Variants in PHLPP1 observed in about 807,000 individuals in gnomAD.
The protein encoded by PHLPP1 is PH domain leucine-rich repeat-containing protein phosphatase 1.
In PHLPP1, 42 loss-of-function variants were observed where a neutral mutation model predicts 117.2. That is an observed-to-expected ratio of 0.36 (90% CI 0.28 to 0.46). The LOEUF (loss-of-function observed/expected upper bound fraction) is 0.46, where lower values mean the gene tolerates loss of function less well. PHLPP1 is among the 20% of genes least tolerant of loss of function. The pLI is 1.00. For synonymous variants in PHLPP1, 1,042 were observed against 970.7 expected, an observed-to-expected ratio of 1.07 and a Z score of -1.37; for missense variants, 2,084 against 2,241.9, an observed-to-expected ratio of 0.93 and a Z score of 1.42.
intron 1 of PHLPP1, among the ~76,000 whole-genome samples, chr18:62,777,809 G>A (rs187674117): frequency 3.8e-4 from 58 of 152,234 alleles, no homozygotes; most frequent in Admixed American, 3.2e-3. Flanking sequence ...TAAAGTGCTC[G>A]TTGTTTTTGT....
At chr18:62,794,326 C>T (rs549172787) in intron 1 of PHLPP1, among the ~76,000 whole-genome samples, 2 of 150,526 alleles carry the variant, frequency 1.3e-5, no homozygotes, top group South Asian at 4.2e-4. Context: ...ATGGGAATGA[C>T]TTTTCATTCC....
chr18:62,811,264 G>C (rs1377379523), intron 1 of PHLPP1, among the ~76,000 whole-genome samples: 1 of 152,114 alleles, frequency 6.6e-6, no homozygotes, highest in East Asian at 1.9e-4. Context: ...ATTTGACCTA[G>C]CAGTTTATAG....
At chr18:62,885,604 G>A (rs1462179475) in intron 4 of PHLPP1, among the ~76,000 whole-genome samples, 1 of 152,176 alleles carries the variant, frequency 6.6e-6, no homozygotes, top group African/African-American at 2.4e-5. Context: ...AGGTTGCTGT[G>A]AGCTGAGATA....
chr18:62,723,082 A>G (rs1438125029), intron 1 of PHLPP1, among the ~76,000 whole-genome samples: 1 of 152,168 alleles, frequency 6.6e-6, no homozygotes, highest in Non-Finnish European at 1.5e-5. Context: ...TATTTTTTAC[A>G]TTTGAGATTT....
chr18:62,718,869 G>A (rs915434080), intron 1 of PHLPP1, among the ~76,000 whole-genome samples: 1 of 152,172 alleles, frequency 6.6e-6, no homozygotes, highest in Non-Finnish European at 1.5e-5. Context: ...TGTGATAAGT[G>A]TCCACGGAAA....
rs1451732549 is a variant in PHLPP1, at chr18:62,977,296, C to A, written c.3985-966C>A. 2.0e-5 allele frequency among the ~76,000 whole-genome samples: 3 copies of A among 152,004 alleles called. No individual in the cohort carries two copies. The South Asian group carries it at 6.2e-4, about 32-fold the overall frequency. ...ATATTCTGTGGAAGAAACACTTTGT[C>A]ATCCCAGACAGGGATTTGTCATAAT... On this transcript the variant is annotated intron_variant, in intron 16 of 16. Coordinates refer to ENST00000262719, the MANE Select transcript of PHLPP1 (RefSeq NM_194449.4).
chr18:62,829,759 A>G (rs1914707148), intron 1 of PHLPP1, among the ~76,000 whole-genome samples: 1 of 152,202 alleles, frequency 6.6e-6, no homozygotes, highest in Non-Finnish European at 1.5e-5. Flanking sequence ...CTCAAAAAAA[A>G]AGAAAAGAAA....
intron 10 of PHLPP1, among the ~76,000 whole-genome samples, chr18:62,921,108 C>T (rs1368865460): frequency 3.9e-5 from 6 of 152,112 alleles, no homozygotes; most frequent in Non-Finnish European, 7.4e-5. Flanking sequence ...TGGCTGTTAA[C>T]TTACTTTGGA....
chr18:62,955,397 A>C (rs537829716), intron 12 of PHLPP1, among the ~76,000 whole-genome samples: 25 of 152,228 alleles, frequency 1.6e-4, no homozygotes, highest in Non-Finnish European at 3.2e-4. Flanking sequence ...CTGAGAAACC[A>C]TCCTGACAGC....
At chr18:62,906,264 TG>T (rs1916844747) in intron 8 of PHLPP1, 1 of 152,346 alleles carries the variant, frequency 6.6e-6, no homozygotes, top group African/African-American at 2.4e-5. Flanking sequence ...ACTTAGCTAT[TG>T]GGAAAATATT....
At chr18:62,765,213 C>G (rs192460662) in intron 1 of PHLPP1, among the ~76,000 whole-genome samples, 1 of 152,064 alleles carries the variant, frequency 6.6e-6, no homozygotes, top group African/African-American at 2.4e-5. Context: ...TTGGACCTAC[C>G]CCATCTTATG....
chr18:62,739,847 A>G (rs1474913780), intron 1 of PHLPP1, among the ~76,000 whole-genome samples: 1 of 152,198 alleles, frequency 6.6e-6, no homozygotes, highest in African/African-American at 2.4e-5. Flanking sequence ...GAAGAGTCAC[A>G]TCTCAATATT....
intron 1 of PHLPP1, among the ~76,000 whole-genome samples, chr18:62,724,766 T>A (rs999900067): frequency 6.6e-6 from 1 of 152,238 alleles, no homozygotes; most frequent in Non-Finnish European, 1.5e-5. Flanking sequence ...TTTGAGGGGT[T>A]GCATATCACT....
intron 4 of PHLPP1, among the ~76,000 whole-genome samples, chr18:62,875,811 C>CA (rs564463873): frequency 6.6e-6 from 1 of 152,018 alleles, no homozygotes; most frequent in Non-Finnish European, 1.5e-5. Flanking sequence ...CAGCTCACTG[C>CA]AACCTGTGCC....
At chr18:62,968,529 CTTTTTT>C (rs34849907) in intron 14 of PHLPP1, among the ~76,000 whole-genome samples, 36 of 51,766 alleles carry the variant, frequency 7.0e-4, no homozygotes, top group African/African-American at 2.6e-3. Context: ...CATTATTAGG[CTTTTTT>C]TTTTTTTTTT....
chr18:62,752,685 C>T (rs1000944156), intron 1 of PHLPP1, among the ~76,000 whole-genome samples: 6 of 152,122 alleles, frequency 3.9e-5, no homozygotes, highest in East Asian at 3.9e-4. Context: ...GATCTTGTTG[C>T]GTTTTGTTTG....
At chr18:62,901,562 G>A (rs1202823915) in intron 6 of PHLPP1, among the ~76,000 whole-genome samples, 1 of 151,710 alleles carries the variant, frequency 6.6e-6, no homozygotes, top group African/African-American at 2.4e-5. Context: ...TTAAAGGACA[G>A]AAATTCACTA....
intron 1 of PHLPP1, among the ~76,000 whole-genome samples, chr18:62,829,084 T>A (rs1023901367): frequency 2.6e-5 from 4 of 152,242 alleles, no homozygotes; most frequent in African/African-American, 9.6e-5. Context: ...TTCTCAGTTC[T>A]CTTTCTGCCT....
intron 4 of PHLPP1, among the ~76,000 whole-genome samples, chr18:62,868,738 A>G (rs1374023605): frequency 6.6e-6 from 1 of 152,226 alleles, no homozygotes; most frequent in African/African-American, 2.4e-5. Context: ...TAATTTCCCA[A>G]ACCTATCATT....
Sources: gnomAD v4.1 joint callset for allele counts (sites outside exome capture counted in the v4.1 genomes callset) on GRCh38, gnomAD v4.1.1 for gene constraint, MANE v1.5 for transcripts, NCBI Gene and HGNC (gene_info 2026-07-23, HGNC 2026-07-21) for gene names.